Variants in FANCB observed in about 807,000 individuals in gnomAD.
The protein encoded by FANCB is Fanconi anemia group B protein.
FANCB carries 5 observed loss-of-function variants against 38.9 expected under a neutral mutation model. The ratio of observed to expected loss-of-function variants is 0.13; its 90% CI spans 0.07 to 0.27. FANCB has a LOEUF of 0.27. Among genes scored for constraint, FANCB ranks in the 10% least tolerant of loss-of-function variants. The probability of loss-of-function intolerance (pLI) is 1.00; values close to 1 mark genes in which losing one functional copy is unlikely to be tolerated. For synonymous variants in FANCB, 236 were observed against 215.4 expected, an observed-to-expected ratio of 1.10 and a Z score of -0.84; for missense variants, 573 against 602.7, an observed-to-expected ratio of 0.95 and a Z score of 0.52.
the FANCB span, among the ~76,000 whole-genome samples, chrX:14,780,804 G>GT: frequency 7.8e-4 from 80 of 102,938 alleles, 6 homozygotes; most frequent in African/African-American, 3.0e-3. Flanking sequence ...AATATTCTTG[G>GT]TTTTTTTTGT....
At chrX:14,857,672 G>T (rs933565635) in intron 5 of FANCB, among the ~76,000 whole-genome samples, 190 bp downstream of exon 5, 1 of 111,703 alleles carries the variant, frequency 9.0e-6, no homozygotes, top group Admixed American at 9.5e-5. Flanking sequence ...AAAAAGGTAT[G>T]TTTAGATGAT....
chrX:14,699,225 A>G, the FANCB span, among the ~76,000 whole-genome samples: 4 of 111,916 alleles, frequency 3.6e-5, no homozygotes, highest in Admixed American at 9.5e-5. Context: ...CTTCTCTACA[A>G]TGCAGCCTCA....
At chrX:14,736,096 G>A in the FANCB span, among the ~76,000 whole-genome samples, 44 of 111,153 alleles carry the variant, frequency 4.0e-4, no homozygotes, top group Admixed American at 1.9e-3. Context: ...CACCAAGCTC[G>A]AGCATCCCAG....
chrX:14,692,731 T>C, the FANCB span, among the ~76,000 whole-genome samples: 1 of 111,815 alleles, frequency 8.9e-6, no homozygotes, highest in African/African-American at 3.2e-5. Context: ...AGACCAAAGA[T>C]GGAAAATGGG....
chrX:14,827,329 A>T, the FANCB span, among the ~76,000 whole-genome samples: 2 of 111,850 alleles, frequency 1.8e-5, no homozygotes, highest in African/African-American at 6.5e-5. Flanking sequence ...GAGAATTGAC[A>T]GTGACGTTTA....
downstream of FANCB, among the ~76,000 whole-genome samples, chrX:14,841,834 C>G (rs1445750523): frequency 9.0e-6 from 1 of 111,686 alleles, no homozygotes; most frequent in Admixed American, 9.5e-5. Flanking sequence ...TACTGGAGTA[C>G]AAAATTCACT....
chrX:14,780,887 A>G, the FANCB span, among the ~76,000 whole-genome samples: 3 of 109,880 alleles, frequency 2.7e-5, no homozygotes, highest in Non-Finnish European at 5.6e-5. Context: ...AAAACAGGTA[A>G]TGGACGAATT....
chrX:14,759,474 G>T, the FANCB span, among the ~76,000 whole-genome samples: 1 of 111,654 alleles, frequency 9.0e-6, no homozygotes, highest in East Asian at 2.8e-4. Flanking sequence ...TGAGGTAAAA[G>T]CATCAGGCAA....
the FANCB span, among the ~76,000 whole-genome samples, chrX:14,716,507 G>C: frequency 1.8e-5 from 2 of 111,915 alleles, no homozygotes; most frequent in South Asian, 7.5e-4. Context: ...TTGGTAAAGA[G>C]AGAGTTATCT....
chrX:14,717,987 A>G, the FANCB span, among the ~76,000 whole-genome samples: 287 of 111,239 alleles, frequency 2.6e-3, no homozygotes, highest in African/African-American at 8.7e-3. Context: ...GTCGTCGGGT[A>G]CGACATTGGT....
the FANCB span, among the ~76,000 whole-genome samples, chrX:14,728,609 G>C: frequency 8.9e-6 from 1 of 111,785 alleles, no homozygotes; most frequent in Admixed American, 9.5e-5. Context: ...TTGCCAGGTT[G>C]CAATGGAATG....
the FANCB span, among the ~76,000 whole-genome samples, chrX:14,717,146 A>T: frequency 1.4e-3 from 150 of 110,789 alleles, 2 homozygotes; most frequent in South Asian, 1.6e-3. Flanking sequence ...ATTCAACATT[A>T]CTGCCGATGG....
chrX:14,843,526 G>A lies in FANCB; in HGVS notation c.*41C>T, dbSNP rs2092361511. ...AGTAGAACCAAAATCTTATATGGTG[G>A]TGAAAACATATTTTAAAATATGATC... On this transcript the variant is annotated 3_prime_UTR_variant, in exon 10 of 10. Transcript: ENST00000650831. 2 of 1,029,951 alleles carry A rather than the reference G, an allele frequency of 1.9e-6. No homozygotes were observed. The highest frequency in any genetic ancestry group is 3.8e-5 in the African/African-American group (2 of 52,692). 84.9% of individuals were successfully genotyped at this position (1,029,951 alleles called of 1,213,427 possible). A position where few individuals can be genotyped will look rare whatever the true frequency, so the allele number is the denominator to read the frequency against.
chrX:14,810,158 C>A, the FANCB span, among the ~76,000 whole-genome samples: 1 of 111,439 alleles, frequency 9.0e-6, no homozygotes, highest in Non-Finnish European at 1.9e-5. Flanking sequence ...CACCAAAAAC[C>A]CATCTGTACA....
the FANCB span, among the ~76,000 whole-genome samples, chrX:14,723,043 T>G: frequency 8.9e-6 from 1 of 112,293 alleles, no homozygotes; most frequent in Non-Finnish European, 1.9e-5. Context: ...TGCAAACAGT[T>G]TGGGGTTGAA....
chrX:14,779,982 C>T, the FANCB span, among the ~76,000 whole-genome samples: 1 of 110,894 alleles, frequency 9.0e-6, no homozygotes, highest in Non-Finnish European at 1.9e-5. Context: ...CCTGAAAGTA[C>T]AGCAAAATGT....
chrX:14,847,651 G>GA (rs755588273), intron 7 of FANCB, among the ~76,000 whole-genome samples: 1,136 of 90,420 alleles, frequency 0.013, 13 homozygotes, highest in African/African-American at 0.04. Flanking sequence ...TCTAAAGGAG[G>GA]AAAAAAAAAA....
At chrX:14,768,901 C>T in the FANCB span, among the ~76,000 whole-genome samples, 2 of 111,745 alleles carry the variant, frequency 1.8e-5, no homozygotes, top group South Asian at 7.5e-4. Flanking sequence ...GCCTTTTCTG[C>T]ATCTATTGAG....
the FANCB span, among the ~76,000 whole-genome samples, chrX:14,812,319 C>T: frequency 1.8e-5 from 2 of 109,623 alleles, no homozygotes; most frequent in African/African-American, 6.7e-5. Flanking sequence ...AAAATCAGAG[C>T]AGAACTGAAG....
Sources: gnomAD v4.1 joint callset for allele counts (sites outside exome capture counted in the v4.1 genomes callset) on GRCh38, gnomAD v4.1.1 for gene constraint, MANE v1.5 for transcripts, NCBI Gene and HGNC (gene_info 2026-07-23, HGNC 2026-07-21) for gene names.